TCFL5: variants seen among roughly 807,000 people sequenced by gnomAD.
TCFL5 encodes transcription factor-like 5 protein.
In TCFL5, 9 loss-of-function variants were observed where a neutral mutation model predicts 44.3. The ratio of observed to expected loss-of-function variants is 0.20; its 90% CI spans 0.12 to 0.35. TCFL5 has a LOEUF of 0.35. TCFL5 is among the 10% of genes least tolerant of loss of function. The probability of loss-of-function intolerance (pLI) is 1.00; values close to 1 mark genes in which losing one functional copy is unlikely to be tolerated. For missense variants in TCFL5, 603 were observed against 613.4 expected, an observed-to-expected ratio of 0.98 and a Z score of 0.18; for synonymous variants, 319 against 271.6, an observed-to-expected ratio of 1.17 and a Z score of -1.72.
At chr20:62,856,323 T>C (rs2063889816) in intron 4 of TCFL5, among the ~76,000 whole-genome samples, 1 of 146,160 alleles carries the variant, frequency 6.8e-6, no homozygotes, top group Admixed American at 6.8e-5. Context: ...CACTCTTAAT[T>C]CTACAAAGAA....
intron 5 of TCFL5, among the ~76,000 whole-genome samples, chr20:62,846,620 G>T (rs1487302810): frequency 6.6e-6 from 1 of 151,984 alleles, no homozygotes; most frequent in Non-Finnish European, 1.5e-5. Flanking sequence ...ACAACAAGAC[G>T]GGTGCGGTGG....
intron 4 of TCFL5, among the ~76,000 whole-genome samples, chr20:62,857,122 CG>C (rs1161320007): frequency 6.6e-6 from 1 of 152,208 alleles, no homozygotes; most frequent in East Asian, 1.9e-4. Flanking sequence ...CTTCTCCCCA[CG>C]CGCCTTTGCT....
At chr20:62,847,111 A>G (rs529038886) in intron 5 of TCFL5, among the ~76,000 whole-genome samples, 6 of 151,662 alleles carry the variant, frequency 4.0e-5, no homozygotes, top group Non-Finnish European at 8.8e-5. Context: ...TGAACCCAGG[A>G]GGCAGACGCT....
At chr20:62,854,245 A>T in intron 4 of TCFL5, 88 bp from the exon 5 acceptor site, 2 of 1,517,920 alleles carry the variant, frequency 1.3e-6, no homozygotes, top group Non-Finnish European at 1.8e-6. Context: ...ACTTGAGGGA[A>T]CCAGAGCTCG....
intron 4 of TCFL5, among the ~76,000 whole-genome samples, chr20:62,855,717 G>T (rs536684017): frequency 1.3e-5 from 2 of 152,104 alleles, no homozygotes; most frequent in Admixed American, 1.3e-4. Context: ...GTTGAACCGA[G>T]ATCGTGCCAT....
chr20:62,858,143 CGT>C (rs765990075), intron 3 of TCFL5, among the ~76,000 whole-genome samples: 12 of 152,170 alleles, frequency 7.9e-5, no homozygotes, highest in Non-Finnish European at 1.2e-4. Flanking sequence ...ACTGCAGCAG[CGT>C]GTGTGTGTGC....
At chr20:62,852,597 G>T (rs2063825486) in intron 5 of TCFL5, 10 of 983,876 alleles carry the variant, frequency 1.0e-5, no homozygotes, top group Non-Finnish European at 1.2e-5. Flanking sequence ...GACTGCATAT[G>T]CTGGCGCTAA....
intron 5 of TCFL5, chr20:62,846,033 G>A: frequency 7.4e-7 from 1 of 1,358,276 alleles, no homozygotes. Context: ...CTGTAGGCGT[G>A]TTGTGGATTC....
chr20:62,857,057 C>A (rs191502808), intron 4 of TCFL5, among the ~76,000 whole-genome samples: 144 of 152,328 alleles, frequency 9.5e-4, no homozygotes, highest in Non-Finnish European at 1.7e-3. Flanking sequence ...GCATGAGGGG[C>A]AACCTGCCTG....
chr20:62,854,204 C>A, intron 4 of TCFL5, 47 bp from the exon 5 acceptor site: 1 of 1,603,326 alleles, frequency 6.2e-7, no homozygotes. Context: ...CGGAGCAAAA[C>A]AAACATGTAA....
intron 5 of TCFL5, among the ~76,000 whole-genome samples, chr20:62,848,736 C>A (rs959870254): frequency 2.6e-5 from 4 of 152,010 alleles, no homozygotes; most frequent in African/African-American, 9.7e-5. Context: ...GAGACTCCGT[C>A]TCAAAAAAAG....
intron 4 of TCFL5, among the ~76,000 whole-genome samples, chr20:62,855,736 A>G (rs2063878432): frequency 6.6e-6 from 1 of 151,960 alleles, no homozygotes; most frequent in Non-Finnish European, 1.5e-5. Flanking sequence ...ATTGCACTCC[A>G]GCCTGGGCAA....
At position 62,861,256 on chromosome 20, in the gene TCFL5, C is replaced by A; in HGVS notation, c.415G>T (p.Ala139Ser). The change falls in exon 1 of 6, where the codon GCG becomes TCG. Residue 139 changes from alanine to serine, a missense_variant. By Grantham distance (99) the Ala-to-Ser change is moderately conservative. Coordinates refer to ENST00000335351, the MANE Select transcript of TCFL5 (RefSeq NM_006602.4). The surrounding 1 kb of genome is among the most constrained non-coding windows in gnomAD (Gnocchi z 4.0). ...LRMMLLSEAG[A>S]AEKTSGGGDG... ...CCGCCGCCCGACGTCTTCTCCGCCG[C>A]GCCCGCCTCGCTTAGCAGCATCATG... 1.7e-6 allele frequency: 2 copies of A among 1,202,342 alleles called. No homozygotes were observed. Among genetic ancestry groups the A allele is most frequent in the Non-Finnish European group, 1.1e-6 (1 of 950,406 alleles). 74.5% of individuals were successfully genotyped at this position (1,202,342 alleles called of 1,614,324 possible).
chr20:62,841,875 T>C lies in TCFL5; in HGVS notation c.*100A>G, dbSNP rs527330906. On this transcript the variant is annotated 3_prime_UTR_variant, in exon 6 of 6. Coordinates refer to ENST00000335351, the MANE Select transcript of TCFL5 (RefSeq NM_006602.4). The stretch of plus-strand genomic sequence containing the variant: ...CCCGTCAGCTTGAGTCACGCCCTTT[T>C]CGAGTCAGACTAGCCGAGCAGAGCT... 1,833 of 1,514,680 alleles carry C rather than the reference T, an allele frequency of 1.2e-3. 20 individuals are homozygous for C. The highest frequency in any genetic ancestry group is 8.9e-3 in the South Asian group (690 of 77,854). The allele number at this position is 1,514,680 out of a possible 1,614,324, so 93.8% of individuals were successfully genotyped here.
At chr20:62,852,893 A>G (rs2063831258) in intron 5 of TCFL5, 1 of 1,289,738 alleles carries the variant, frequency 7.8e-7, no homozygotes, top group Non-Finnish European at 1.0e-6. Flanking sequence ...CCCAGTCTGC[A>G]GAAGTACATT....
At position 62,861,359 on chromosome 20, in the gene TCFL5, G is replaced by C. The variant is rs2147307102; in HGVS notation, c.312C>G (p.Pro104=). Residue 104 remains proline, a synonymous_variant, in exon 1 of 6, where the codon CCC becomes CCG. Transcript: ENST00000335351. The surrounding 1 kb of genome is among the most constrained non-coding windows in gnomAD (Gnocchi z 4.0). ...FAAGGQGGAA[P]VYPVLCPSAL... ...CGGACGGGCACAGCACGGGGTACAC[G>C]GGCGCCGCGCCCCCCTGACCGCCCG... is the stretch of plus-strand genomic sequence containing the variant. The C allele has an allele frequency of 1.9e-6, 2 of 1,067,102 alleles. No individual in the cohort carries two copies. The highest frequency in any genetic ancestry group is 2.3e-6 in the Non-Finnish European group (2 of 885,854). 66.1% of individuals were successfully genotyped at this position (1,067,102 alleles called of 1,614,324 possible).
rs909423056 is a variant in TCFL5, at chr20:62,841,511, G to GAT, written c.*462_*463dup. Reference sequence around the variant, plus strand: ...ACTCAGAGTCATGACAAGGGGGTGTGATATAACGAATGAAATAAAATTTCC... The same window carrying GAT: ...ACTCAGAGTCATGACAAGGGGGTGTGATATATAACGAATGAAATAAAATTTCC... On this transcript the variant is annotated 3_prime_UTR_variant, in exon 6 of 6. Transcript: ENST00000335351. 2 of 155,366 alleles carry GAT rather than the reference G, an allele frequency of 1.3e-5. No individual in the cohort carries two copies. The highest frequency in any genetic ancestry group is 4.8e-5 in the African/African-American group (2 of 41,458). The allele number at this position is 155,366 out of a possible 1,614,324, so 9.6% of individuals were successfully genotyped here.
At chr20:62,855,198 G>A (rs1315166953) in intron 4 of TCFL5, among the ~76,000 whole-genome samples, 2 of 152,144 alleles carry the variant, frequency 1.3e-5, no homozygotes, top group East Asian at 3.9e-4. Context: ...CTCACTTTGT[G>A]GCCCAGGCTG....
intron 5 of TCFL5, among the ~76,000 whole-genome samples, chr20:62,853,070 G>A (rs529883338): frequency 1.7e-4 from 25 of 145,126 alleles, no homozygotes; most frequent in African/African-American, 2.8e-4. Flanking sequence ...ACAGTCACCC[G>A]GTCCGCAGAA....
Sources: gnomAD v4.1 joint callset for allele counts (sites outside exome capture counted in the v4.1 genomes callset) on GRCh38, gnomAD v4.1.1 for gene constraint, Gnocchi (gnomAD v3.1) non-coding constraint, MANE v1.5 for transcripts, NCBI Gene and HGNC (gene_info 2026-07-23, HGNC 2026-07-21) for gene names.